The following BCL2L13 variants were observed in gnomAD, a reference collection of about 807,000 sequenced individuals.
The protein encoded by BCL2L13 is bcl-2-like protein 13.
BCL2L13 carries 13 observed loss-of-function variants against 25.8 expected under a neutral mutation model. That is an observed-to-expected ratio of 0.50 (90% CI 0.33 to 0.80). The LOEUF (loss-of-function observed/expected upper bound fraction) is 0.80. Among genes scored for constraint, BCL2L13 ranks in the 30% least tolerant of loss-of-function variants. BCL2L13 has a pLI of 0.02. For missense variants in BCL2L13, 504 were observed against 574.9 expected (o/e 0.88, Z 1.26); for synonymous variants, 244 against 230.3 (o/e 1.06, Z -0.54).
intron 1 of BCL2L13, among the ~76,000 whole-genome samples, chr22:17,640,718 A>T (rs2058245712): frequency 6.7e-6 from 1 of 148,836 alleles, no homozygotes; most frequent in Admixed American, 6.7e-5. Flanking sequence ...AAAAAAAATT[A>T]GCCAGGCATA....
intron 1 of BCL2L13, among the ~76,000 whole-genome samples, chr22:17,631,262 A>G (rs2058008361): frequency 6.6e-6 from 1 of 151,492 alleles, no homozygotes; most frequent in Non-Finnish European, 1.5e-5. Flanking sequence ...ACGCCCCGCT[A>G]ATTTTTTCTT....
At chr22:17,657,547 G>C (rs934839492) in intron 2 of BCL2L13, among the ~76,000 whole-genome samples, 2 of 150,366 alleles carry the variant, frequency 1.3e-5, no homozygotes, top group African/African-American at 4.9e-5. Flanking sequence ...ACGGAGTCTC[G>C]CTCTGTCCAG....
chr22:17,682,617 A>G (rs1380423133), intron 2 of BCL2L13, among the ~76,000 whole-genome samples: 3 of 151,970 alleles, frequency 2.0e-5, no homozygotes, highest in East Asian at 1.9e-4. Flanking sequence ...ATCTTTCCCA[A>G]CCTCCTCTTG....
At chr22:17,646,888 TTG>T (rs71201853) in intron 1 of BCL2L13, among the ~76,000 whole-genome samples, 1,337 of 89,884 alleles carry the variant, frequency 0.015, 21 homozygotes, top group South Asian at 0.038. Context: ...CCCAGCTAAT[TTG>T]TGTGTGTGTG....
intron 6 of BCL2L13, among the ~76,000 whole-genome samples, chr22:17,705,901 A>G (rs1051875630): frequency 6.6e-6 from 1 of 152,270 alleles, no homozygotes; most frequent in African/African-American, 2.4e-5. Context: ...GCCAGCAGCC[A>G]TAATCTGTTG....
At chr22:17,631,697 TATATA>T in intron 1 of BCL2L13, among the ~76,000 whole-genome samples, 1 of 44,138 alleles carries the variant, frequency 2.3e-5, no homozygotes, top group Non-Finnish European at 5.0e-5. Flanking sequence ...TATATATATA[TATATA>T]TATATTTTTT....
intron 2 of BCL2L13, among the ~76,000 whole-genome samples, chr22:17,678,278 C>A (rs913727271): frequency 6.6e-6 from 1 of 152,060 alleles, no homozygotes; most frequent in Non-Finnish European, 1.5e-5. Flanking sequence ...TCTGCCTCGG[C>A]CTCCCAAAGT....
At chr22:17,696,705 A>T (rs1190709338) in intron 5 of BCL2L13, among the ~76,000 whole-genome samples, 1 of 152,172 alleles carries the variant, frequency 6.6e-6, no homozygotes, top group Non-Finnish European at 1.5e-5. Flanking sequence ...TTACTTAGCT[A>T]GTTAGGTAGG....
At position 17,730,128 on chromosome 22, in the gene BCL2L13, T is replaced by G. The variant is rs534170301; in HGVS notation, c.*2594T>G. 6.6e-6 allele frequency: 1 copy of G among 152,278 alleles called. No homozygotes were observed. The highest frequency in any genetic ancestry group is 1.5e-5 in the Non-Finnish European group (1 of 68,008). 9.4% of individuals were successfully genotyped at this position (152,278 alleles called of 1,614,324 possible). On this transcript the variant is annotated 3_prime_UTR_variant, in exon 7 of 7. Coordinates refer to ENST00000317582, the MANE Select transcript of BCL2L13 (RefSeq NM_015367.4). ...AGTCCTTAGACCTCATCTCAACTGC[T>G]CTGTTGAAGGTAATGATTTATTGGG... is the stretch of plus-strand genomic sequence containing the variant.
intron 3 of BCL2L13, among the ~76,000 whole-genome samples, chr22:17,683,975 T>C (rs2535695): frequency 0.16 from 24,679 of 151,666 alleles, 2,308 homozygotes; most frequent in Non-Finnish European, 0.21. Context: ...ATGCCTGGCC[T>C]GTTCCCTTGT....
chr22:17,695,971 G>T, intron 4 of BCL2L13, 170 bp from the exon 5 acceptor site: 2 of 499,942 alleles, frequency 4.0e-6, no homozygotes, highest in Non-Finnish European at 7.3e-6. Flanking sequence ...TAGAATGCTT[G>T]AAAAAAGTGC....
upstream of BCL2L13, among the ~76,000 whole-genome samples, chr22:17,635,926 G>A (rs7511082): frequency 7.8e-4 from 118 of 151,986 alleles, no homozygotes; most frequent in East Asian, 1.2e-3. Context: ...GGCCAGGATG[G>A]TCTCCATCTC....
chr22:17,716,754 T>C (rs567225015), intron 6 of BCL2L13, among the ~76,000 whole-genome samples: 2 of 152,326 alleles, frequency 1.3e-5, no homozygotes, highest in East Asian at 3.9e-4. Flanking sequence ...CTACTTTATT[T>C]TGTAACATTC....
At chr22:17,719,786 G>A (rs1190209045) in intron 6 of BCL2L13, among the ~76,000 whole-genome samples, 3 of 136,152 alleles carry the variant, frequency 2.2e-5, no homozygotes, top group African/African-American at 8.3e-5. Flanking sequence ...CCGAGATCAC[G>A]CCACTGCACT....
intron 3 of BCL2L13, 35 bp from the exon 4 acceptor site, chr22:17,688,951 T>A: frequency 6.3e-7 from 1 of 1,594,194 alleles, no homozygotes; most frequent in South Asian, 1.1e-5. Flanking sequence ...AGATATTGTT[T>A]ATTATATTAG....
At chr22:17,692,784 G>A (rs2535705) in intron 4 of BCL2L13, among the ~76,000 whole-genome samples, 130,834 of 151,818 alleles carry the variant, frequency 0.86, 56,556 homozygotes, top group East Asian at 0.94. Context: ...CATATAATGT[G>A]GTTTTAAAAT....
chr22:17,686,339 A>G (rs1167096790), intron 3 of BCL2L13, among the ~76,000 whole-genome samples: 1 of 151,754 alleles, frequency 6.6e-6, no homozygotes, highest in Non-Finnish European at 1.5e-5. Flanking sequence ...AATTCCAGCT[A>G]CCTCGGAGGC....
At chr22:17,706,606 T>C in intron 6 of BCL2L13, 1 of 1,116,108 alleles carries the variant, frequency 9.0e-7, no homozygotes, top group South Asian at 2.1e-5. Context: ...AGTGTGGTTT[T>C]TTTCCCTCTC....
At chr22:17,645,551 C>T (rs1446915001) in intron 1 of BCL2L13, among the ~76,000 whole-genome samples, 2 of 151,434 alleles carry the variant, frequency 1.3e-5, no homozygotes, top group Admixed American at 6.6e-5. Flanking sequence ...CTGCTGTGTA[C>T]CTTCTGATTA....
Sources: gnomAD v4.1 joint callset for allele counts (sites outside exome capture counted in the v4.1 genomes callset) on GRCh38, gnomAD v4.1.1 for gene constraint, MANE v1.5 for transcripts, NCBI Gene and HGNC (gene_info 2026-07-23, HGNC 2026-07-21) for gene names.